Variants in SHROOM3 observed in about 807,000 individuals in gnomAD.
The protein encoded by SHROOM3 is protein Shroom3.
A neutral mutation model predicts 138.6 loss-of-function variants in SHROOM3; 47 were observed. The ratio of observed to expected loss-of-function variants is 0.34; its 90% CI spans 0.27 to 0.43. The LOEUF is 0.43. Among genes scored for constraint, SHROOM3 ranks in the 20% least tolerant of loss-of-function variants. The pLI is 1.00. For synonymous variants in SHROOM3, 1,062 were observed against 1,063.3 expected (o/e 1.00, Z 0.02); for missense variants, 2,491 against 2,596.5 (o/e 0.96, Z 0.88).
intron 2 of SHROOM3, among the ~76,000 whole-genome samples, chr4:76,606,518 A>G (rs1367688388): frequency 2.6e-5 from 4 of 151,886 alleles, no homozygotes; most frequent in Admixed American, 6.6e-5. Flanking sequence ...AGCCTGACCA[A>G]TATAGTGAAA....
intron 1 of SHROOM3, among the ~76,000 whole-genome samples, chr4:76,493,633 A>G (rs955913992): frequency 2.0e-5 from 3 of 152,178 alleles, no homozygotes; most frequent in African/African-American, 7.2e-5. Context: ...ACGCATTCTT[A>G]AGTATCTCCT....
At chr4:76,668,598 C>CA (rs1346413126) in intron 2 of SHROOM3, among the ~76,000 whole-genome samples, 4 of 151,028 alleles carry the variant, frequency 2.6e-5, no homozygotes, top group Non-Finnish European at 5.9e-5. Flanking sequence ...AACAAACAAA[C>CA]AAATGAAAAA....
chr4:76,692,383 A>G (rs1406256723), intron 2 of SHROOM3, among the ~76,000 whole-genome samples: 6 of 152,256 alleles, frequency 3.9e-5, no homozygotes, highest in African/African-American at 1.2e-4. Context: ...AACTCGTCTT[A>G]TAAGAGGCAA....
chr4:76,601,606 G>A (rs1190404538), intron 2 of SHROOM3, among the ~76,000 whole-genome samples: 1 of 152,166 alleles, frequency 6.6e-6, no homozygotes, highest in Non-Finnish European at 1.5e-5. Context: ...CCAGGTTCAA[G>A]CGATTCTCCT....
At chr4:76,551,957 G>A (rs1199700244) in intron 1 of SHROOM3, among the ~76,000 whole-genome samples, 6 of 150,386 alleles carry the variant, frequency 4.0e-5, no homozygotes, top group Non-Finnish European at 7.4e-5. Context: ...TGCCTCCTGG[G>A]TTCACGCCAT....
At chr4:76,600,836 A>C (rs575199799) in intron 2 of SHROOM3, among the ~76,000 whole-genome samples, 1 of 152,336 alleles carries the variant, frequency 6.6e-6, no homozygotes, top group East Asian at 1.9e-4. Flanking sequence ...GTGAGAATTC[A>C]GGAGTTAATA....
intron 9 of SHROOM3, among the ~76,000 whole-genome samples, chr4:76,762,712 CTG>C (rs1722024040): frequency 1.3e-5 from 2 of 152,334 alleles, no homozygotes; most frequent in South Asian, 4.1e-4. Flanking sequence ...GTTTCAGACA[CTG>C]TGCTCTGCCT....
chr4:76,592,698 G>C (rs1734299386), intron 2 of SHROOM3, among the ~76,000 whole-genome samples: 1 of 152,174 alleles, frequency 6.6e-6, no homozygotes, highest in South Asian at 2.1e-4. Context: ...TCTAGGGACA[G>C]GTGTATTTTG....
At chr4:76,600,456 C>T (rs2110054600) in intron 2 of SHROOM3, among the ~76,000 whole-genome samples, 2 of 152,302 alleles carry the variant, frequency 1.3e-5, no homozygotes, top group East Asian at 3.9e-4. Flanking sequence ...TCAGCTTTCA[C>T]ATGATCAAGG....
intron 9 of SHROOM3, among the ~76,000 whole-genome samples, chr4:76,766,501 A>G (rs1446500158): frequency 6.6e-6 from 1 of 152,242 alleles, no homozygotes; most frequent in Non-Finnish European, 1.5e-5. Flanking sequence ...CATCTCACAC[A>G]GGGTGAGCTA....
intron 1 of SHROOM3, among the ~76,000 whole-genome samples, chr4:76,525,088 C>T (rs193206137): frequency 6.6e-6 from 1 of 152,280 alleles, no homozygotes; most frequent in Admixed American, 6.5e-5. Context: ...ATCTTGCTAG[C>T]ATTTGGTATT....
chr4:76,757,025 T>G, intron 8 of SHROOM3, 88 bp downstream of exon 8: 2 of 1,598,524 alleles, frequency 1.3e-6, no homozygotes, highest in South Asian at 2.2e-5. Flanking sequence ...TTGCCTGATG[T>G]TCTCCTACTG....
chr4:76,670,984 A>T (rs1378554635), intron 2 of SHROOM3, among the ~76,000 whole-genome samples: 2 of 152,130 alleles, frequency 1.3e-5, no homozygotes, highest in Non-Finnish European at 2.9e-5. Flanking sequence ...GAGTTCAAGA[A>T]GATTAACAAG....
intron 2 of SHROOM3, among the ~76,000 whole-genome samples, chr4:76,647,376 C>T (rs1170103594): frequency 6.6e-6 from 1 of 152,090 alleles, no homozygotes; most frequent in East Asian, 1.9e-4. Context: ...TAGTTCAAAA[C>T]AATGTATTGT....
intron 4 of SHROOM3, among the ~76,000 whole-genome samples, chr4:76,735,871 ATATATATAT>A (rs1721054151): frequency 4.2e-4 from 8 of 18,852 alleles, no homozygotes; most frequent in East Asian, 1.4e-3. Context: ...AAAAAAAAAT[ATATATATAT>A]ATATATATAT....
At chr4:76,758,364 C>T (rs1278487723) in intron 8 of SHROOM3, 1 of 151,806 alleles carries the variant, frequency 6.6e-6, no homozygotes, top group Non-Finnish European at 1.5e-5. Flanking sequence ...AAAGTATTTC[C>T]TAGCATTACC....
At chr4:76,498,575 C>T (rs1304545385) in intron 1 of SHROOM3, among the ~76,000 whole-genome samples, 1 of 152,092 alleles carries the variant, frequency 6.6e-6, no homozygotes. Flanking sequence ...TAATTAATAT[C>T]CCCTTAATCA....
chr4:76,596,759 G>A (rs772240408), intron 2 of SHROOM3, among the ~76,000 whole-genome samples: 7 of 152,110 alleles, frequency 4.6e-5, no homozygotes, highest in Non-Finnish European at 7.3e-5. Flanking sequence ...ATGTTACTGT[G>A]TCATTTGCAA....
rs538535925 is a variant in SHROOM3 at position 76,449,580 on chromosome 4, G to A, written c.168+13360G>A. On this transcript the variant is annotated intron_variant, in intron 1 of 10. Transcript: ENST00000296043. ...CTTCCCCACAATGTGAATATTCTTT[G>A]ACTCACTATGTTGTCCATTTCCAAT... 3.9e-5 allele frequency among the ~76,000 whole-genome samples: 6 copies of A among 152,292 alleles called. 1 individual carries two copies. The highest frequency in any genetic ancestry group is 3.9e-4 in the Admixed American group (6 of 15,302).
Sources: gnomAD v4.1 joint callset for allele counts (sites outside exome capture counted in the v4.1 genomes callset) on GRCh38, gnomAD v4.1.1 for gene constraint, MANE v1.5 for transcripts, NCBI Gene and HGNC (gene_info 2026-07-23, HGNC 2026-07-21) for gene names.